Variants in NREP observed in about 807,000 individuals in gnomAD.
The protein encoded by NREP is neuronal regeneration related protein.
A neutral mutation model predicts 8.6 loss-of-function variants in NREP; 5 were observed. The ratio of observed to expected loss-of-function variants is 0.58; its 90% CI spans 0.30 to 1.22. The LOEUF (loss-of-function observed/expected upper bound fraction) is 1.22. NREP is among the 50% of genes most tolerant of loss of function. NREP has a pLI of 0.07. For synonymous variants in NREP, 27 were observed against 28.0 expected (o/e 0.96, Z 0.11); for missense variants, 86 against 82.5 (o/e 1.04, Z -0.17).
At chr5:111,839,768 A>G (rs1354952128) in intron 2 of NREP, among the ~76,000 whole-genome samples, 1 of 152,030 alleles carries the variant, frequency 6.6e-6, no homozygotes, top group Non-Finnish European at 1.5e-5. Flanking sequence ...ACCTATAATG[A>G]TTTTAGTGTT....
intron 2 of NREP, among the ~76,000 whole-genome samples, chr5:111,740,170 T>G (rs1181588414): frequency 2.0e-5 from 3 of 152,130 alleles, no homozygotes; most frequent in Non-Finnish European, 2.9e-5. Flanking sequence ...TTTATCTCAC[T>G]GACAATTAGG....
intron 3 of NREP, among the ~76,000 whole-genome samples, chr5:111,731,583 G>T (rs1748584605): frequency 6.6e-6 from 1 of 152,274 alleles, no homozygotes; most frequent in African/African-American, 2.4e-5. Flanking sequence ...CATGACAGAA[G>T]TGGCTACCAA....
At chr5:111,890,621 ATTG>A (rs1418287942) in intron 2 of NREP, among the ~76,000 whole-genome samples, 3 of 152,360 alleles carry the variant, frequency 2.0e-5, no homozygotes, top group Admixed American at 1.3e-4. Flanking sequence ...CCAAGCCTCA[ATTG>A]TTGTACTCTG....
At chr5:111,816,511 T>C (rs1227493503) in intron 2 of NREP, among the ~76,000 whole-genome samples, 1 of 152,092 alleles carries the variant, frequency 6.6e-6, no homozygotes, top group Non-Finnish European at 1.5e-5. Context: ...GTCTGAGAAG[T>C]ACTAAAATTA....
intron 2 of NREP, among the ~76,000 whole-genome samples, chr5:111,789,706 C>T (rs1751695914): frequency 6.6e-6 from 1 of 152,138 alleles, no homozygotes; most frequent in Non-Finnish European, 1.5e-5. Flanking sequence ...GAGGAGGACT[C>T]TATTAATAAT....
At chr5:111,944,270 T>C (rs938338513) in intron 2 of NREP, among the ~76,000 whole-genome samples, 3 of 152,036 alleles carry the variant, frequency 2.0e-5, no homozygotes, top group Non-Finnish European at 4.4e-5. Flanking sequence ...TTGACACTTC[T>C]CTCCTGTACC....
intron 2 of NREP, among the ~76,000 whole-genome samples, chr5:111,745,745 T>C (rs914835597): frequency 6.6e-6 from 1 of 152,214 alleles, no homozygotes; most frequent in African/African-American, 2.4e-5. Flanking sequence ...AAATATGAAG[T>C]GTTTTTGTTC....
chr5:111,750,912 G>A (rs1750320413), intron 2 of NREP, among the ~76,000 whole-genome samples: 1 of 152,100 alleles, frequency 6.6e-6, no homozygotes, highest in Admixed American at 6.5e-5. Context: ...CACACTTTAT[G>A]GTTTCACCGC....
At chr5:111,922,841 C>T (rs1473395851) in intron 2 of NREP, among the ~76,000 whole-genome samples, 1 of 152,112 alleles carries the variant, frequency 6.6e-6, no homozygotes, top group South Asian at 2.1e-4. Flanking sequence ...CAGGAGAATA[C>T]TGAAGTTTAT....
At chr5:111,882,053 A>G (rs1007878667) in intron 2 of NREP, among the ~76,000 whole-genome samples, 8 of 152,186 alleles carry the variant, frequency 5.3e-5, no homozygotes, top group African/African-American at 1.9e-4. Flanking sequence ...GGAAATTCAA[A>G]CCAAAGGCAA....
chr5:111,921,820 G>T (rs750262468), intron 2 of NREP, among the ~76,000 whole-genome samples: 5 of 152,134 alleles, frequency 3.3e-5, no homozygotes, highest in African/African-American at 7.2e-5. Flanking sequence ...AATAATGGGG[G>T]TCAGTCTTTC....
chr5:111,858,211 C>T (rs1753467830), intron 2 of NREP, among the ~76,000 whole-genome samples: 1 of 152,160 alleles, frequency 6.6e-6, no homozygotes, highest in Non-Finnish European at 1.5e-5. Context: ...TTTAACCAGC[C>T]TCCCAGGTGA....
chr5:111,875,578 C>G (rs1424616869), intron 2 of NREP, among the ~76,000 whole-genome samples: 2 of 152,190 alleles, frequency 1.3e-5, no homozygotes, highest in South Asian at 4.1e-4. Flanking sequence ...TCTATGTATA[C>G]TCCCAGTATA....
At chr5:111,838,996 T>A (rs1236900365) in intron 2 of NREP, among the ~76,000 whole-genome samples, 1 of 152,060 alleles carries the variant, frequency 6.6e-6, no homozygotes, top group Non-Finnish European at 1.5e-5. Context: ...AAAATGTCCG[T>A]ATTTTTAAAA....
intron 2 of NREP, among the ~76,000 whole-genome samples, chr5:111,867,146 A>T (rs1200295372): frequency 6.6e-6 from 1 of 152,178 alleles, no homozygotes; most frequent in Non-Finnish European, 1.5e-5. Context: ...TAATTAAAAA[A>T]AAAAAAAAGA....
At chr5:111,818,863 T>C (rs1420410750) in intron 2 of NREP, among the ~76,000 whole-genome samples, 2 of 152,192 alleles carry the variant, frequency 1.3e-5, no homozygotes, top group East Asian at 3.8e-4. Flanking sequence ...CTCAACAGTA[T>C]AGTGTGGAAT....
intron 2 of NREP, among the ~76,000 whole-genome samples, chr5:111,767,131 C>G (rs1447544124): frequency 6.6e-6 from 1 of 152,122 alleles, no homozygotes. Flanking sequence ...TTTATTTCAA[C>G]TTGGGTTAGG....
intron 2 of NREP, among the ~76,000 whole-genome samples, chr5:111,820,743 G>C (rs1046798383): frequency 6.6e-5 from 10 of 152,058 alleles, no homozygotes; most frequent in Non-Finnish European, 7.4e-5. Flanking sequence ...TATTTACAAA[G>C]CTTAATTTGT....
At chr5:111,852,389 A>C (rs1186907265) in intron 2 of NREP, among the ~76,000 whole-genome samples, 1 of 152,034 alleles carries the variant, frequency 6.6e-6, no homozygotes, top group Non-Finnish European at 1.5e-5. Flanking sequence ...TCCCCTTCAC[A>C]CTCTGACGAG....
Sources: gnomAD v4.1 joint callset for allele counts (sites outside exome capture counted in the v4.1 genomes callset) on GRCh38, gnomAD v4.1.1 for gene constraint, MANE v1.5 for transcripts, NCBI Gene and HGNC (gene_info 2026-07-23, HGNC 2026-07-21) for gene names.